MCTP1: variants seen among roughly 807,000 people sequenced by gnomAD.
MCTP1 encodes multiple C2 and transmembrane domain-containing protein 1.
A neutral mutation model predicts 120.6 loss-of-function variants in MCTP1; 69 were observed. That is an observed-to-expected ratio of 0.57 (90% CI 0.47 to 0.70). MCTP1 has a LOEUF of 0.70. Ranked by LOEUF, MCTP1 falls within the 30% of genes least tolerant of loss-of-function variation. The pLI is 0.00. For missense variants in MCTP1, 1,203 were observed against 1,248.8 expected, an observed-to-expected ratio of 0.96 and a Z score of 0.55; for synonymous variants, 529 against 493.1, an observed-to-expected ratio of 1.07 and a Z score of -0.96.
chr5:95,214,164 A>G (rs182044242), intron 1 of MCTP1, among the ~76,000 whole-genome samples: 4 of 151,980 alleles, frequency 2.6e-5, no homozygotes, highest in Non-Finnish European at 5.9e-5. Context: ...AAACAAATTT[A>G]CAAGAAAAAA....
intron 1 of MCTP1, among the ~76,000 whole-genome samples, chr5:95,155,554 C>G (rs1407330642): frequency 2.0e-5 from 3 of 151,928 alleles, no homozygotes; most frequent in African/African-American, 7.3e-5. Context: ...TAAAAATGTT[C>G]CATTTTGAGC....
At position 95,285,002 on chromosome 5, in the gene MCTP1, C is replaced by A. The variant is rs1397442034; in HGVS notation, c.-427G>T. ...GTGCGCGTCCAGCTGCGCCAGGGAC[C>A]GCACCCGGCGCCCTCTGGGCAGCAC... On this transcript the variant is annotated 5_prime_UTR_variant, in exon 1 of 23. Coordinates refer to ENST00000515393, the MANE Select transcript of MCTP1 (RefSeq NM_024717.7). Among the ~76,000 whole-genome samples the A allele has an allele frequency of 6.6e-6, 1 of 152,168 alleles. No individual in the cohort carries two copies. Among genetic ancestry groups the A allele is most frequent in the East Asian group, 1.9e-4 (1 of 5,174 alleles).
intron 1 of MCTP1, among the ~76,000 whole-genome samples, chr5:95,218,231 C>G (rs448328): frequency 1 from 152,356 of 152,368 alleles, 76,172 homozygotes; most frequent in Middle Eastern, 1. Context: ...ATGCATGATA[C>G]AATAGGTTAC....
intron 16 of MCTP1, among the ~76,000 whole-genome samples, chr5:94,869,352 A>G (rs770996538): frequency 6.6e-6 from 1 of 152,056 alleles, no homozygotes; most frequent in Admixed American, 6.6e-5. Context: ...AAATATATAT[A>G]TGGGCAAATA....
At chr5:94,775,429 GA>G (rs1424643128) in intron 19 of MCTP1, among the ~76,000 whole-genome samples, 2 of 152,162 alleles carry the variant, frequency 1.3e-5, no homozygotes, top group African/African-American at 4.8e-5. Context: ...ATAACATGGT[GA>G]AAAACACCAT....
chr5:94,882,750 C>G (rs866839757), intron 12 of MCTP1, among the ~76,000 whole-genome samples: 2 of 152,106 alleles, frequency 1.3e-5, no homozygotes, highest in Non-Finnish European at 2.9e-5. Context: ...GATAGTGGGA[C>G]CACCACTTTC....
chr5:94,948,258 G>A (rs1266215923), intron 3 of MCTP1, among the ~76,000 whole-genome samples: 1 of 152,092 alleles, frequency 6.6e-6, no homozygotes, highest in African/African-American at 2.4e-5. Context: ...GACGAAAACA[G>A]TTATTTGTAG....
intron 12 of MCTP1, among the ~76,000 whole-genome samples, chr5:94,876,127 T>G (rs774387903): frequency 3.3e-5 from 5 of 152,190 alleles, no homozygotes; most frequent in Non-Finnish European, 7.3e-5. Flanking sequence ...TACACATAGT[T>G]AATATGCTTA....
At chr5:95,231,921 T>C (rs558525763) in intron 1 of MCTP1, among the ~76,000 whole-genome samples, 3 of 151,582 alleles carry the variant, frequency 2.0e-5, no homozygotes, top group African/African-American at 7.3e-5. Context: ...AGCTGTAGAG[T>C]ATAAAACCTA....
intron 1 of MCTP1, among the ~76,000 whole-genome samples, chr5:95,231,487 T>C (rs116073620): frequency 0.014 from 2,089 of 152,058 alleles, 22 homozygotes; most frequent in Middle Eastern, 0.02. Flanking sequence ...TTTAAGACAA[T>C]GACATCAGGC....
chr5:94,737,091 C>T (rs184028309), intron 19 of MCTP1, among the ~76,000 whole-genome samples: 5 of 152,258 alleles, frequency 3.3e-5, no homozygotes, highest in Admixed American at 6.5e-5. Context: ...TGGGCTGAAG[C>T]GAACCTCCTG....
chr5:94,757,635 G>T (rs1213907960), intron 19 of MCTP1, among the ~76,000 whole-genome samples: 2 of 152,170 alleles, frequency 1.3e-5, no homozygotes, highest in Admixed American at 6.5e-5. Context: ...AGGCAGAAAT[G>T]GAGATTTCTA....
intron 1 of MCTP1, among the ~76,000 whole-genome samples, chr5:95,219,732 CA>C (rs1753473679): frequency 6.6e-6 from 1 of 152,134 alleles, no homozygotes; most frequent in African/African-American, 2.4e-5. Context: ...AATGCAAATG[CA>C]AAAACTCCAT....
At chr5:94,829,105 C>G (rs1181057487) in intron 17 of MCTP1, among the ~76,000 whole-genome samples, 1 of 152,198 alleles carries the variant, frequency 6.6e-6, no homozygotes, top group Admixed American at 6.5e-5. Flanking sequence ...GTGTAGGCAC[C>G]TGAGGGAACC....
intron 2 of MCTP1, among the ~76,000 whole-genome samples, chr5:94,999,084 T>G (rs1833156783): frequency 6.6e-6 from 1 of 152,214 alleles, no homozygotes; most frequent in Non-Finnish European, 1.5e-5. Flanking sequence ...CATAAAGTAT[T>G]GTTACTTTGG....
intron 1 of MCTP1, among the ~76,000 whole-genome samples, chr5:95,032,995 C>T (rs1840581082): frequency 6.6e-6 from 1 of 151,924 alleles, no homozygotes; most frequent in African/African-American, 2.4e-5. Context: ...TTAGAAAATG[C>T]AGAGGAAACA....
intron 19 of MCTP1, among the ~76,000 whole-genome samples, chr5:94,754,265 G>A (rs1363140197): frequency 6.6e-6 from 1 of 152,190 alleles, no homozygotes; most frequent in Non-Finnish European, 1.5e-5. Context: ...AGTGGCTGAT[G>A]GAGTGGAATG....
intron 19 of MCTP1, among the ~76,000 whole-genome samples, chr5:94,778,250 G>A (rs1322561037): frequency 6.6e-6 from 1 of 151,962 alleles, no homozygotes. Context: ...AAAAAATCTG[G>A]TTTTACACGC....
At chr5:95,041,553 T>C (rs1382823117) in intron 1 of MCTP1, among the ~76,000 whole-genome samples, 1 of 152,162 alleles carries the variant, frequency 6.6e-6, no homozygotes, top group Admixed American at 6.5e-5. Context: ...CTGTGTTGTA[T>C]TACTTACTTC....
Sources: allele counts gnomAD v4.1 joint callset (sites outside exome capture counted in the v4.1 genomes callset), GRCh38; gene constraint gnomAD v4.1.1; transcripts MANE v1.5; gene names NCBI Gene and HGNC (gene_info 2026-07-23, HGNC 2026-07-21).